The following KIAA1217 variants were observed in gnomAD, a reference collection of about 807,000 sequenced individuals.
The protein encoded by KIAA1217 is KIAA1217.
KIAA1217 carries 88 observed loss-of-function variants against 163.9 expected under a neutral mutation model. The ratio of observed to expected loss-of-function variants is 0.54; its 90% CI spans 0.45 to 0.64. The LOEUF (loss-of-function observed/expected upper bound fraction) is 0.64, where lower values mean the gene tolerates loss of function less well. Among genes scored for constraint, KIAA1217 ranks in the 30% least tolerant of loss-of-function variants. The probability of loss-of-function intolerance (pLI) is 0.00; values close to 1 mark genes in which losing one functional copy is unlikely to be tolerated. For synonymous variants in KIAA1217, 903 were observed against 923.1 expected (o/e 0.98, Z 0.39); for missense variants, 2,372 against 2,475.0 (o/e 0.96, Z 0.88).
chr10:24,293,016 G>T (rs937669874), intron 2 of KIAA1217, among the ~76,000 whole-genome samples: 3 of 152,082 alleles, frequency 2.0e-5, no homozygotes, highest in African/African-American at 7.2e-5. Flanking sequence ...CACCCAAAAT[G>T]CATGCTCGGG....
At chr10:23,785,950 G>A (rs1181831662) in intron 1 of KIAA1217, among the ~76,000 whole-genome samples, 1 of 151,982 alleles carries the variant, frequency 6.6e-6, no homozygotes, top group Non-Finnish European at 1.5e-5. Flanking sequence ...AAAAGGAGGA[G>A]ACCAATGCTG....
At chr10:23,763,640 A>T (rs1834373206) in intron 1 of KIAA1217, among the ~76,000 whole-genome samples, 1 of 152,240 alleles carries the variant, frequency 6.6e-6, no homozygotes, top group Non-Finnish European at 1.5e-5. Flanking sequence ...CAGAACCATA[A>T]AAACCCTAGA....
intron 2 of KIAA1217, among the ~76,000 whole-genome samples, chr10:24,116,233 T>C (rs1482558869): frequency 6.6e-6 from 1 of 152,072 alleles, no homozygotes; most frequent in African/African-American, 2.4e-5. Context: ...ATGAGAATTA[T>C]CTATGAATAC....
intron 1 of KIAA1217, among the ~76,000 whole-genome samples, chr10:24,212,965 C>A (rs529108275): frequency 1.3e-5 from 2 of 152,226 alleles, no homozygotes; most frequent in South Asian, 4.2e-4. Context: ...AGATAAGGAT[C>A]CCTAGGGTGA....
chr10:24,306,966 T>C (rs545266638), intron 2 of KIAA1217, among the ~76,000 whole-genome samples: 15 of 152,340 alleles, frequency 9.8e-5, no homozygotes, highest in African/African-American at 3.4e-4. Flanking sequence ...CTGCCGGGCA[T>C]TAGTTAGCAA....
At chr10:23,878,652 A>G (rs1840814719) in intron 1 of KIAA1217, among the ~76,000 whole-genome samples, 1 of 151,938 alleles carries the variant, frequency 6.6e-6, no homozygotes, top group African/African-American at 2.4e-5. Context: ...GTGCTATTTT[A>G]AACAGCATAG....
chr10:24,084,901 CAG>C (rs970623521), intron 2 of KIAA1217, among the ~76,000 whole-genome samples: 5 of 149,834 alleles, frequency 3.3e-5, no homozygotes, highest in Non-Finnish European at 7.4e-5. Context: ...CTATAAATGG[CAG>C]AGTTTACTTT....
intron 20 of KIAA1217, chr10:24,545,442 C>G (rs2075627388): frequency 7.8e-7 from 1 of 1,289,798 alleles, no homozygotes; most frequent in East Asian, 3.4e-5. Context: ...TTGAACTGCC[C>G]TTAACGTCAC....
At chr10:23,872,230 G>T (rs1840488049) in intron 1 of KIAA1217, among the ~76,000 whole-genome samples, 1 of 152,218 alleles carries the variant, frequency 6.6e-6, no homozygotes, top group African/African-American at 2.4e-5. Context: ...AAAGGCAAAG[G>T]TGTCATGGGA....
At chr10:23,759,079 C>A (rs1444798708) in intron 1 of KIAA1217, among the ~76,000 whole-genome samples, 7 of 152,066 alleles carry the variant, frequency 4.6e-5, no homozygotes, top group Admixed American at 2.0e-4. Flanking sequence ...TTATTTATTT[C>A]TTCTTTAGTT....
intron 1 of KIAA1217, among the ~76,000 whole-genome samples, chr10:23,820,936 C>G (rs973255130): frequency 6.6e-6 from 1 of 152,094 alleles, no homozygotes; most frequent in Non-Finnish European, 1.5e-5. Context: ...AAGAGATATT[C>G]CATTTGCATA....
chr10:23,739,683 G>T (rs1839001319), intron 1 of KIAA1217, among the ~76,000 whole-genome samples: 1 of 152,162 alleles, frequency 6.6e-6, no homozygotes, highest in African/African-American at 2.4e-5. Context: ...TACATTTGTT[G>T]TTACAAGATC....
chr10:24,264,413 A>G (rs1386354954), intron 2 of KIAA1217, among the ~76,000 whole-genome samples: 1 of 152,202 alleles, frequency 6.6e-6, no homozygotes, highest in Non-Finnish European at 1.5e-5. Context: ...AAGATGAGAC[A>G]AAGCAGACAG....
Position 23,856,364 on chromosome 10 carries a change from C to T in KIAA1217, c.-320-150861C>T, listed in dbSNP as rs184546474. Among the ~76,000 whole-genome samples the T allele has an allele frequency of 6.5e-3, 983 of 152,312 alleles. 33 individuals are homozygous for T. The highest frequency in any genetic ancestry group is 0.044 in the Admixed American group (679 of 15,292). On this transcript the variant is annotated intron_variant, in intron 1 of 18. Transcript: ENST00000376462. ...CGCGAATGCTGCTGTCTGATCGTTC[C>T]TCTGGAAGTTTTGTCTCAGAAGAGT...
intron 2 of KIAA1217, among the ~76,000 whole-genome samples, chr10:24,166,841 T>C (rs145799552): frequency 1.3e-5 from 2 of 152,232 alleles, no homozygotes; most frequent in African/African-American, 4.8e-5. Flanking sequence ...GATTTGATTA[T>C]ATGGATGTAT....
intron 1 of KIAA1217, among the ~76,000 whole-genome samples, chr10:23,916,110 G>A (rs1564530169): frequency 6.6e-6 from 1 of 152,106 alleles, no homozygotes; most frequent in South Asian, 2.1e-4. Flanking sequence ...CACAGTCCAG[G>A]TTAATACTGT....
intron 2 of KIAA1217, among the ~76,000 whole-genome samples, chr10:24,331,124 G>A (rs187242392): frequency 1.3e-4 from 19 of 150,948 alleles, no homozygotes; most frequent in Non-Finnish European, 2.1e-4. Flanking sequence ...TTTATTTTTT[G>A]TAGAGACAGG....
chr10:24,003,235 G>A (rs61034043), intron 1 of KIAA1217, among the ~76,000 whole-genome samples: 1,554 of 152,150 alleles, frequency 0.01, 29 homozygotes, highest in African/African-American at 0.036. Flanking sequence ...CCTACACACC[G>A]TTTTCCATAG....
At chr10:24,127,075 A>C (rs1195565003) in intron 2 of KIAA1217, among the ~76,000 whole-genome samples, 1 of 152,202 alleles carries the variant, frequency 6.6e-6, no homozygotes, top group Admixed American at 6.5e-5. Context: ...TTCTTTAAGA[A>C]AAAGAAAAAG....
Sources: allele counts gnomAD v4.1 joint callset (sites outside exome capture counted in the v4.1 genomes callset), GRCh38; gene constraint gnomAD v4.1.1; transcripts MANE v1.5; gene names NCBI Gene and HGNC (gene_info 2026-07-23, HGNC 2026-07-21).